CRTC3: variants seen among roughly 807,000 people sequenced by gnomAD.
CRTC3 encodes CREB regulated transcription coactivator 3.
CRTC3 carries 26 observed loss-of-function variants against 74.5 expected under a neutral mutation model. The ratio of observed to expected loss-of-function variants is 0.35; its 90% CI spans 0.26 to 0.48. The LOEUF is 0.48. Ranked by LOEUF, CRTC3 falls within the 20% of genes least tolerant of loss-of-function variation. The probability of loss-of-function intolerance (pLI) is 0.99; values close to 1 mark genes in which losing one functional copy is unlikely to be tolerated. For synonymous variants in CRTC3, 377 were observed against 325.8 expected (o/e 1.16, Z -1.69); for missense variants, 760 against 787.3 (o/e 0.97, Z 0.41).
chr15:90,556,627 C>G (rs1966895537), intron 2 of CRTC3, among the ~76,000 whole-genome samples: 1 of 152,122 alleles, frequency 6.6e-6, no homozygotes, highest in South Asian at 2.1e-4. Context: ...CTTCATGGAT[C>G]TCTGTGTAAT....
intron 9 of CRTC3, among the ~76,000 whole-genome samples, chr15:90,622,030 A>G (rs1968668219): frequency 6.6e-6 from 1 of 152,206 alleles, no homozygotes; most frequent in South Asian, 2.1e-4. Flanking sequence ...GTGGACAGGC[A>G]GCCACCAGCG....
chr15:90,568,278 C>T (rs964968853), intron 2 of CRTC3, among the ~76,000 whole-genome samples: 1 of 152,134 alleles, frequency 6.6e-6, no homozygotes, highest in Admixed American at 6.5e-5. Flanking sequence ...GATGTTGTGA[C>T]CATTGTTAAA....
chr15:90,583,667 A>G (rs1019428525), intron 2 of CRTC3, among the ~76,000 whole-genome samples: 17 of 152,156 alleles, frequency 1.1e-4, no homozygotes, highest in Admixed American at 2.0e-4. Context: ...AAAACCCAGA[A>G]CAGCTGGGAG....
At chr15:90,604,283 G>A in intron 4 of CRTC3, 102 bp from the exon 5 acceptor site, 2 of 838,538 alleles carry the variant, frequency 2.4e-6, no homozygotes, top group Non-Finnish European at 4.2e-6. Flanking sequence ...CTTGCAGAGC[G>A]AGGTGAGTAG....
At chr15:90,557,880 C>T (rs189221461) in intron 2 of CRTC3, among the ~76,000 whole-genome samples, 1 of 152,232 alleles carries the variant, frequency 6.6e-6, no homozygotes, top group Non-Finnish European at 1.5e-5. Context: ...GGTAACCTGC[C>T]TCGTTTCCCT....
intron 2 of CRTC3, among the ~76,000 whole-genome samples, chr15:90,564,295 C>T (rs1361109525): frequency 6.6e-6 from 1 of 152,080 alleles, no homozygotes; most frequent in Non-Finnish European, 1.5e-5. Context: ...GAAATTCAAC[C>T]AGAGTATTTC....
At chr15:90,580,707 C>CTATAACATCTTCCATTAGCTTCA (rs1967519715) in intron 2 of CRTC3, among the ~76,000 whole-genome samples, 2 of 151,976 alleles carry the variant, frequency 1.3e-5, no homozygotes, top group African/African-American at 4.8e-5. Flanking sequence ...TGATTATAGG[C>CTATAACATCTTCCATTAGCTTCA]GTGAGCCACT....
At chr15:90,573,333 C>T (rs1359274388) in intron 2 of CRTC3, among the ~76,000 whole-genome samples, 3 of 152,136 alleles carry the variant, frequency 2.0e-5, no homozygotes, top group East Asian at 3.8e-4. Context: ...AATATTTTCT[C>T]CATCTAGTAG....
rs921815305 is a variant in CRTC3, at chr15:90,604,392, C to G, written c.421C>G (p.Pro141Ala). 13 of 1,613,586 alleles carry G rather than the reference C, an allele frequency of 8.1e-6. No individual in the cohort carries two copies. Among genetic ancestry groups the G allele is most frequent in the African/African-American group, 4.0e-5 (3 of 74,892 alleles). ...PLDESWPRQQ[P>A]PWKDEKHPGF... is the part of the protein sequence containing the mutation. ...TTGTTCTGGTTTTTAAAGGCAGCAG[C>G]CTCCTTGGAAAGACGAAAAGCATCC... The change falls in exon 5 of 15, where the codon CCT becomes GCT. Residue 141 changes from proline to alanine, a missense_variant. Around this residue, in one of 2 missense-constraint regions of CRTC3, gnomAD observed 652 missense variants for 635.2 expected, o/e 1.03. Coordinates refer to ENST00000268184, the MANE Select transcript of CRTC3 (RefSeq NM_022769.5).
At chr15:90,629,665 T>C (rs1294164826) in intron 11 of CRTC3, 133 bp downstream of exon 11, 4 of 751,462 alleles carry the variant, frequency 5.3e-6, no homozygotes, top group Non-Finnish European at 8.7e-6. Flanking sequence ...AAGTGCAGTC[T>C]GTTCGCTCTT....
rs1555446977 is a variant in CRTC3, at chr15:90,551,944, G to GCGCACACACACA, written c.231+11808_231+11809insGCACACACACAC. Among the ~76,000 whole-genome samples, 830 of 129,264 alleles carry GCGCACACACACA rather than the reference G, an allele frequency of 6.4e-3. 41 individuals carry two copies. The East Asian group carries it at 0.082, about 13-fold the overall frequency. 84.8% of individuals were successfully genotyped at this position (129,264 alleles called of 152,430 possible). On this transcript the variant is annotated intron_variant, in intron 2 of 14. Coordinates refer to ENST00000268184, the MANE Select transcript of CRTC3 (RefSeq NM_022769.5). ...ATTACACACACGCACACACACACAC[G>GCGCACACACACA]CACACACACACACACACACACACAA...
At chr15:90,615,330 A>T (rs978763128) in intron 7 of CRTC3, among the ~76,000 whole-genome samples, 1 of 152,204 alleles carries the variant, frequency 6.6e-6, no homozygotes, top group African/African-American at 2.4e-5. Context: ...ACTCAGTACC[A>T]GGGACTGTTT....
chr15:90,625,710 GCCATGTTTGGTTTC>G, intron 9 of CRTC3, 52 bp from the exon 10 acceptor site: 4 of 1,401,336 alleles, frequency 2.9e-6, no homozygotes, highest in Non-Finnish European at 3.0e-6. Flanking sequence ...AAAGGTTTCA[GCCATGTTTGGTTTC>G]CCAACAGCCA....
rs888251063 is a variant in CRTC3 at position 90,644,535 on chromosome 15, A to G, written c.*2395A>G. 2.1e-5 allele frequency: 5 copies of G among 232,784 alleles called. No homozygotes were observed. The highest frequency in any genetic ancestry group is 1.1e-4 in the Admixed American group (2 of 17,768). 14.4% of individuals were successfully genotyped at this position (232,784 alleles called of 1,614,324 possible). On this transcript the variant is annotated 3_prime_UTR_variant, in exon 15 of 15. Transcript: ENST00000268184. Reference sequence around the variant, plus strand: ...CTGCCCCAAAGGCGTTCTCCAGGTGACTTGTGAAAACAGACCTCCGGGGAA... The same window carrying G: ...CTGCCCCAAAGGCGTTCTCCAGGTGGCTTGTGAAAACAGACCTCCGGGGAA...
chr15:90,629,905 G>A (rs192601603), intron 11 of CRTC3, among the ~76,000 whole-genome samples: 8 of 152,102 alleles, frequency 5.3e-5, no homozygotes, highest in Non-Finnish European at 1.2e-4. Flanking sequence ...TGATTTTTTT[G>A]TAGAGACAAG....
At chr15:90,621,348 A>AGTATT (rs1555452518) in intron 9 of CRTC3, among the ~76,000 whole-genome samples, 2 of 151,702 alleles carry the variant, frequency 1.3e-5, no homozygotes, top group African/African-American at 4.9e-5. Flanking sequence ...TTTGAGATGG[A>AGTATT]GTATCGCTCT....
At chr15:90,558,425 C>T (rs1247883913) in intron 2 of CRTC3, among the ~76,000 whole-genome samples, 9 of 152,180 alleles carry the variant, frequency 5.9e-5, no homozygotes, top group Admixed American at 5.2e-4. Flanking sequence ...GTGCAAAGTG[C>T]AGGCAGTCCC....
Position 90,629,490 on chromosome 15 carries a change from G to A in CRTC3, c.1224G>A (p.Gln408=). 1 of 1,614,076 alleles carries A rather than the reference G, an allele frequency of 6.2e-7. No individual in the cohort carries two copies. The change falls in exon 11 of 15, where the codon CAG becomes CAA. Residue 408 remains glutamine, a synonymous_variant. Transcript: ENST00000268184. ...GPEAHQGFSR[Q]LSSTSPLAPY... ...AAGCACATCAAGGTTTCAGCAGACA[G>A]CTGTCTTCAACCAGCCCACTGGCCC...
intron 2 of CRTC3, 57 bp downstream of exon 2, chr15:90,540,194 A>G (rs1019231771): frequency 8.5e-7 from 1 of 1,175,184 alleles, no homozygotes; most frequent in Non-Finnish European, 1.2e-6. Flanking sequence ...ATAGACAAAG[A>G]TTATCACTAA....
Sources: gnomAD v4.1 joint callset for allele counts (sites outside exome capture counted in the v4.1 genomes callset) on GRCh38, gnomAD v4.1.1 for gene constraint, gnomAD v4.1.1 regional missense constraint, MANE v1.5 for transcripts, NCBI Gene and HGNC (gene_info 2026-07-23, HGNC 2026-07-21) for gene names.